The following AMBRA1 variants were observed in gnomAD, a reference collection of about 807,000 sequenced individuals.
The protein encoded by AMBRA1 is activating molecule in BECN1-regulated autophagy protein 1.
A neutral mutation model predicts 125.4 loss-of-function variants in AMBRA1; 47 were observed. The ratio of observed to expected loss-of-function variants is 0.37; its 90% CI spans 0.30 to 0.48. The LOEUF is 0.48. Ranked by LOEUF, AMBRA1 falls within the 20% of genes least tolerant of loss-of-function variation. The probability of loss-of-function intolerance (pLI) is 0.99; values close to 1 mark genes in which losing one functional copy is unlikely to be tolerated. For missense variants in AMBRA1, 1,331 were observed against 1,693.4 expected (o/e 0.79, Z 3.76); for synonymous variants, 626 against 655.5 (o/e 0.95, Z 0.69).
chr11:46,455,678 C>G (rs983687854), intron 11 of AMBRA1, among the ~76,000 whole-genome samples: 9 of 152,224 alleles, frequency 5.9e-5, no homozygotes, highest in South Asian at 2.1e-4. Context: ...AGAAAGCATA[C>G]AGCTTCCATA....
chr11:46,575,271 A>G (rs112409363), intron 1 of AMBRA1, among the ~76,000 whole-genome samples: 1,828 of 152,144 alleles, frequency 0.012, 44 homozygotes, highest in African/African-American at 0.042. Flanking sequence ...CGGCCTGACC[A>G]ACATGGTGTA....
rs557999947 is a variant in AMBRA1 at position 46,466,503 on chromosome 11, A to G, written c.2522-22905T>C. Among the ~76,000 whole-genome samples the G allele has an allele frequency of 7.9e-5, 12 of 152,260 alleles. No homozygotes were observed. The South Asian group carries it at 2.5e-3, about 32-fold the overall frequency. ...AGGGCTTGAAGCATGTGGAAAGGAG[A>G]ATGGTTCAGGATAGAAAGAGGTTAC... is the stretch of plus-strand genomic sequence containing the variant. On this transcript the variant is annotated intron_variant, in intron 11 of 17. Transcript: ENST00000683756.
At chr11:46,406,842 C>T (rs576387470) in intron 17 of AMBRA1, among the ~76,000 whole-genome samples, 1 of 151,002 alleles carries the variant, frequency 6.6e-6, no homozygotes, top group Admixed American at 6.6e-5. Flanking sequence ...GAGATTGCAC[C>T]ACTGCACTCC....
intron 3 of AMBRA1, among the ~76,000 whole-genome samples, 154 bp downstream of exon 3, chr11:46,547,663 A>G (rs913680702): frequency 6.6e-6 from 1 of 152,132 alleles, no homozygotes; most frequent in Non-Finnish European, 1.5e-5. Context: ...AGCACTGCTC[A>G]TCTACTTTCT....
chr11:46,412,530 T>C (rs1946342685), intron 15 of AMBRA1, among the ~76,000 whole-genome samples: 1 of 152,174 alleles, frequency 6.6e-6, no homozygotes, highest in South Asian at 2.1e-4. Context: ...GGCTAAAAAA[T>C]CTGCCTACCT....
intron 11 of AMBRA1, among the ~76,000 whole-genome samples, chr11:46,451,034 C>G (rs1234811301): frequency 6.6e-6 from 1 of 152,118 alleles, no homozygotes; most frequent in Non-Finnish European, 1.5e-5. Context: ...GGAGGGGCCA[C>G]GACTTTCATT....
In AMBRA1 at chr11:46,542,089, T is replaced by C; in HGVS notation, c.1928A>G (p.Glu643Gly). The C allele has an allele frequency of 6.2e-7, 1 of 1,613,844 alleles. No individual in the cohort carries two copies. The highest frequency in any genetic ancestry group is 8.5e-7 in the Non-Finnish European group (1 of 1,179,890). The change falls in exon 7 of 18, where the codon GAG becomes GGG. Residue 643 changes from glutamate (E) to glycine (G), a missense_variant. Physicochemically the swap from Glu to Gly is moderately conservative, Grantham distance 98. Transcript: ENST00000683756. This position sits in a 1 kb window ranked among gnomAD's most constrained non-coding sequence, Gnocchi z 5.9. ...GTTAAAGGCCACCCCCACAGTCCTC[T>C]CCTCCTGCGGACTAGCAGAGCTGCT... The part of the protein sequence containing the change: ...ELSSSASPQE[E>G]RTVGVAFNQE...
chr11:46,489,921 G>A (rs536313448), intron 11 of AMBRA1, among the ~76,000 whole-genome samples: 1 of 152,150 alleles, frequency 6.6e-6, no homozygotes, highest in Non-Finnish European at 1.5e-5. Context: ...AGGAAGACCC[G>A]GTTTAAAATT....
At chr11:46,560,357 T>G (rs536415307) in intron 1 of AMBRA1, among the ~76,000 whole-genome samples, 1 of 152,314 alleles carries the variant, frequency 6.6e-6, no homozygotes, top group South Asian at 2.1e-4. Context: ...AAATTCTAAT[T>G]ACTGTAACTA....
chr11:46,564,482 GAGAGA>G, intron 1 of AMBRA1, among the ~76,000 whole-genome samples: 1 of 152,098 alleles, frequency 6.6e-6, no homozygotes, highest in South Asian at 2.1e-4. Context: ...CTAAGTGAAG[GAGAGA>G]TTCAAAATCA....
intron 9 of AMBRA1, among the ~76,000 whole-genome samples, chr11:46,500,203 T>C (rs1267610777): frequency 6.6e-6 from 1 of 152,204 alleles, no homozygotes; most frequent in Non-Finnish European, 1.5e-5. Context: ...TGCCAGTCAC[T>C]GCTGTTCTAA....
intron 8 of AMBRA1, among the ~76,000 whole-genome samples, chr11:46,511,125 G>A (rs1951241250): frequency 6.6e-6 from 1 of 152,218 alleles, no homozygotes; most frequent in Non-Finnish European, 1.5e-5. Context: ...AAGTATCCTT[G>A]TAGAACACTG....
In AMBRA1 at chr11:46,396,722, G is replaced by A. The variant is rs566457670; in HGVS notation, c.*728C>T. 6.5e-6 allele frequency: 1 copy of A among 152,762 alleles called. No individual in the cohort carries two copies. Among genetic ancestry groups the A allele is most frequent in the South Asian group, 2.1e-4 (1 of 4,826 alleles). 9.5% of individuals were successfully genotyped at this position (152,762 alleles called of 1,614,324 possible). On this transcript the variant is annotated 3_prime_UTR_variant, in exon 18 of 18. Transcript: ENST00000683756. ...GCTCAGGTAATACTGACACCCACAG[G>A]CGCTGCTCTGAGGGCCTTGCGGGGA...
Position 46,508,237 on chromosome 11 carries a change from G to A in AMBRA1, c.2293C>T (p.Gln765Ter). ...SSTSSSSSDN[Q>*]GPSVEGTDLE... Reference sequence around the variant, plus strand: ...TCGGTTCCCTCTACTGATGGACCCTGGTTGTCTGAGGAAGAGGAGGAGGTG... The same window carrying A: ...TCGGTTCCCTCTACTGATGGACCCTAGTTGTCTGAGGAAGAGGAGGAGGTG... Residue 765 changes from glutamine to a stop codon, truncating the protein, a stop_gained, in exon 9 of 18, where the codon CAG becomes TAG. Coordinates refer to ENST00000683756, the MANE Select transcript of AMBRA1 (RefSeq NM_001387011.1). LOFTEE classifies it high-confidence loss of function. The A allele has an allele frequency of 1.2e-6, 2 of 1,614,204 alleles. No homozygotes were observed. The highest frequency in any genetic ancestry group is 8.5e-7 in the Non-Finnish European group (1 of 1,180,020).
intron 11 of AMBRA1, among the ~76,000 whole-genome samples, chr11:46,467,337 T>C (rs144471103): frequency 1.5e-3 from 221 of 152,354 alleles, no homozygotes; most frequent in African/African-American, 4.8e-3. Flanking sequence ...TTTGGGTTAA[T>C]GTAAATTATT....
At chr11:46,561,121 C>G (rs1199615322) in intron 1 of AMBRA1, among the ~76,000 whole-genome samples, 1 of 152,176 alleles carries the variant, frequency 6.6e-6, no homozygotes, top group African/African-American at 2.4e-5. Flanking sequence ...TAGCTCACAC[C>G]TGTAATCCCA....
intron 11 of AMBRA1, among the ~76,000 whole-genome samples, chr11:46,466,984 C>T (rs1486282572): frequency 6.9e-6 from 1 of 144,262 alleles, no homozygotes; most frequent in Non-Finnish European, 1.5e-5. Flanking sequence ...GTGGCACGAT[C>T]TTGGCTCACT....
chr11:46,552,834 C>T (rs2043048904), intron 1 of AMBRA1, among the ~76,000 whole-genome samples: 1 of 151,988 alleles, frequency 6.6e-6, no homozygotes, highest in Non-Finnish European at 1.5e-5. Flanking sequence ...CCATGGTTGT[C>T]TCTCAGTAGT....
chr11:46,468,729 G>A (rs988067045), intron 11 of AMBRA1, among the ~76,000 whole-genome samples: 1 of 150,076 alleles, frequency 6.7e-6, no homozygotes, highest in African/African-American at 2.5e-5. Context: ...GGAGAATGGC[G>A]TGAACCTGGG....
Sources: gnomAD v4.1 joint callset for allele counts (sites outside exome capture counted in the v4.1 genomes callset) on GRCh38, gnomAD v4.1.1 for gene constraint, Gnocchi (gnomAD v3.1) non-coding constraint, MANE v1.5 for transcripts, NCBI Gene and HGNC (gene_info 2026-07-23, HGNC 2026-07-21) for gene names.